Variants in GLRA3 observed in about 807,000 individuals in gnomAD.
GLRA3 encodes glycine receptor subunit alpha-3.
In GLRA3, 44 loss-of-function variants were observed where a neutral mutation model predicts 60.4. That is an observed-to-expected ratio of 0.73 (90% CI 0.57 to 0.94). The LOEUF is 0.94. GLRA3 is among the 40% of genes least tolerant of loss of function. The probability of loss-of-function intolerance (pLI) is 0.00; values close to 1 mark genes in which losing one functional copy is unlikely to be tolerated. For synonymous variants in GLRA3, 223 were observed against 192.9 expected (o/e 1.16, Z -1.29); for missense variants, 508 against 564.6 (o/e 0.90, Z 1.02).
At chr4:174,811,429 TTGAC>T (rs1388949257) in intron 1 of GLRA3, among the ~76,000 whole-genome samples, 1 of 152,124 alleles carries the variant, frequency 6.6e-6, no homozygotes, top group Non-Finnish European at 1.5e-5. Context: ...CTCTGTTAAT[TTGAC>T]TGTGCATTTT....
intron 5 of GLRA3, among the ~76,000 whole-genome samples, chr4:174,707,530 A>G (rs941866447): frequency 4.6e-5 from 7 of 152,044 alleles, no homozygotes; most frequent in Admixed American, 3.9e-4. Flanking sequence ...ACGGGGGGGA[A>G]GCCCTACTCT....
At chr4:174,675,757 G>A (rs1186257204) in intron 7 of GLRA3, among the ~76,000 whole-genome samples, 5 of 152,108 alleles carry the variant, frequency 3.3e-5, no homozygotes, top group African/African-American at 1.2e-4. Flanking sequence ...GTTAATAAAA[G>A]TAGACATTAT....
chr4:174,824,609 G>T (rs1163605749), intron 1 of GLRA3, among the ~76,000 whole-genome samples: 2 of 152,092 alleles, frequency 1.3e-5, no homozygotes, highest in African/African-American at 4.8e-5. Context: ...TTCTTCAACT[G>T]AATTTGACAG....
intron 7 of GLRA3, among the ~76,000 whole-genome samples, chr4:174,670,182 A>C (rs7697737): frequency 0.17 from 25,404 of 152,052 alleles, 4,420 homozygotes; most frequent in African/African-American, 0.44. Context: ...GCATTTCTTA[A>C]TATATTACCT....
intron 3 of GLRA3, among the ~76,000 whole-genome samples, chr4:174,728,977 G>C (rs1243642008): frequency 1.3e-5 from 2 of 152,090 alleles, no homozygotes; most frequent in African/African-American, 4.8e-5. Flanking sequence ...ACTGTTCTTT[G>C]GGTTTTTCTG....
chr4:174,738,734 A>T (rs1309884847), intron 3 of GLRA3, among the ~76,000 whole-genome samples: 2 of 152,216 alleles, frequency 1.3e-5, no homozygotes, highest in Non-Finnish European at 2.9e-5. Flanking sequence ...TGACAAAAAA[A>T]TTATTTGAAG....
intron 3 of GLRA3, among the ~76,000 whole-genome samples, chr4:174,749,026 G>A (rs1171268383): frequency 6.6e-6 from 1 of 152,114 alleles, no homozygotes; most frequent in Non-Finnish European, 1.5e-5. Context: ...CCACAGTAGT[G>A]TCAATGGAGA....
At chr4:174,733,592 G>A (rs574901370) in intron 3 of GLRA3, among the ~76,000 whole-genome samples, 1 of 152,236 alleles carries the variant, frequency 6.6e-6, no homozygotes, top group South Asian at 2.1e-4. Flanking sequence ...TAGGTACCAG[G>A]CAACTAGAAA....
chr4:174,692,257 C>G (rs13132815), intron 5 of GLRA3, among the ~76,000 whole-genome samples: 52,983 of 138,200 alleles, frequency 0.38, 10,800 homozygotes, highest in Middle Eastern at 0.48. Flanking sequence ...GCCCCATCCG[C>G]GAGGGAGGTG....
chr4:174,805,526 A>G (rs938083370), intron 1 of GLRA3, among the ~76,000 whole-genome samples: 5 of 152,066 alleles, frequency 3.3e-5, no homozygotes, highest in Non-Finnish European at 5.9e-5. Context: ...TCTTGGAATC[A>G]GCTTCTCTAT....
At chr4:174,760,465 A>T (rs74321092) in intron 3 of GLRA3, among the ~76,000 whole-genome samples, 3,928 of 152,298 alleles carry the variant, frequency 0.026, 85 homozygotes, top group Non-Finnish European at 0.04. Flanking sequence ...TCTCACTCCT[A>T]GGAATATACC....
rs116762002 is a variant in GLRA3, at chr4:174,657,349, C to T, written c.1072-562G>A. On this transcript the variant is annotated intron_variant, in intron 8 of 9. Coordinates refer to ENST00000274093, the MANE Select transcript of GLRA3 (RefSeq NM_006529.4). ...TTTCACAGTTTACCCATTTGGACAC[C>T]GGATGCACAATACTTCTCTTTTCTA... Among the ~76,000 whole-genome samples, 929 of 152,156 alleles carry T rather than the reference C, an allele frequency of 6.1e-3. 12 individuals carry two copies. The highest frequency in any genetic ancestry group is 0.02 in the African/African-American group (848 of 41,524).
chr4:174,751,611 C>G (rs1186089181), intron 3 of GLRA3, among the ~76,000 whole-genome samples: 1 of 152,120 alleles, frequency 6.6e-6, no homozygotes, highest in Non-Finnish European at 1.5e-5. Flanking sequence ...ATCCCTTCCT[C>G]GTCAGAATAC....
At chr4:174,774,376 GTGTA>G (rs1336161152) in intron 2 of GLRA3, among the ~76,000 whole-genome samples, 4 of 151,920 alleles carry the variant, frequency 2.6e-5, no homozygotes, top group African/African-American at 2.4e-5. Flanking sequence ...GTGTGTGTGT[GTGTA>G]TGTGTGTGTG....
intron 1 of GLRA3, among the ~76,000 whole-genome samples, chr4:174,824,172 T>C (rs1211491791): frequency 6.6e-6 from 1 of 152,188 alleles, no homozygotes; most frequent in East Asian, 1.9e-4. Context: ...AATGTCCTCT[T>C]TTCCTCCAAC....
Position 174,767,123 on chromosome 4 carries a change from TACACACACAC to T in GLRA3, c.200-103_200-94del, listed in dbSNP as rs10551381. On this transcript the variant is annotated intron_variant, in intron 2 of 9. Transcript: ENST00000274093. ...GCATTCCATTATTATTATTCCATTT[TACACACACAC>T]ACACACACACACACACACACACAGA... 4.5e-3 allele frequency: 2,107 copies of T among 471,876 alleles called. 30 individuals are homozygous for T. Among genetic ancestry groups the T allele is most frequent in the African/African-American group, 0.037 (1,884 of 50,708 alleles). The allele number at this position is 471,876 out of a possible 1,614,324, so 29.2% of individuals were successfully genotyped here. A position where few individuals can be genotyped will look rare whatever the true frequency, so the allele number is the denominator to read the frequency against.
At position 174,643,890 on chromosome 4, in the gene GLRA3, T is replaced by C. The variant is rs1319821677; in HGVS notation, c.1291A>G (p.Ile431Val). Residue 431 changes from isoleucine (I) to valine (V), a missense_variant, in exon 10 of 10, where the codon ATC (isoleucine) becomes GTC (valine). This residue lies in a region of GLRA3 where 176 missense variants were observed against 197.9 expected (regional missense o/e 0.89). Transcript: ENST00000274093. ...GCTAATGGGAAGCAGGCTCGGGAGA[T>C]GGTATCAATCTTCTTGGCCCGGTCG... ...FIDRAKKIDT[I>V]SRACFPLAFL... 6.2e-7 allele frequency: 1 copy of C among 1,614,070 alleles called. No individual in the cohort carries two copies. The highest frequency in any genetic ancestry group is 2.2e-5 in the East Asian group (1 of 44,872).
chr4:174,823,811 A>C (rs1246884898), intron 1 of GLRA3, among the ~76,000 whole-genome samples: 1 of 152,178 alleles, frequency 6.6e-6, no homozygotes, highest in Non-Finnish European at 1.5e-5. Flanking sequence ...TTGATAAGTG[A>C]TAGAAAGATA....
At chr4:174,819,816 A>T (rs928125701) in intron 1 of GLRA3, among the ~76,000 whole-genome samples, 1 of 152,192 alleles carries the variant, frequency 6.6e-6, no homozygotes, top group Non-Finnish European at 1.5e-5. Context: ...CAGAACTCTG[A>T]TAGGTGCAAT....
Sources: gnomAD v4.1 joint callset for allele counts (sites outside exome capture counted in the v4.1 genomes callset) on GRCh38, gnomAD v4.1.1 for gene constraint, gnomAD v4.1.1 regional missense constraint, MANE v1.5 for transcripts, NCBI Gene and HGNC (gene_info 2026-07-23, HGNC 2026-07-21) for gene names.